Variants in PCBP3 observed in about 807,000 individuals in gnomAD.
PCBP3 encodes the protein poly(rC) binding protein 3.
PCBP3 carries 25 observed loss-of-function variants against 52.7 expected under a neutral mutation model. That is an observed-to-expected ratio of 0.47 (90% CI 0.35 to 0.66). PCBP3 has a LOEUF of 0.66. PCBP3 is among the 30% of genes least tolerant of loss of function. The pLI, the probability that PCBP3 is intolerant of heterozygous loss-of-function variation, is 0.01. For missense variants in PCBP3, 391 were observed against 490.3 expected, an observed-to-expected ratio of 0.80 and a Z score of 1.91; for synonymous variants, 162 against 183.0, an observed-to-expected ratio of 0.89 and a Z score of 0.93.
intron 2 of PCBP3, among the ~76,000 whole-genome samples, chr21:45,709,749 C>A (rs1195601421): frequency 3.9e-5 from 6 of 152,184 alleles, no homozygotes; most frequent in Non-Finnish European, 8.8e-5. Context: ...AAAGTCCATA[C>A]TTCAGATTTC....
chr21:45,656,143 GTA>G lies in PCBP3; in HGVS notation c.-279+12280_-279+12281del, dbSNP rs2080003577. Among the ~76,000 whole-genome samples, 1 of 152,134 alleles carries G rather than the reference GTA, an allele frequency of 6.6e-6. No homozygotes were observed. Among genetic ancestry groups the G allele is most frequent in the Non-Finnish European group, 1.5e-5 (1 of 68,020 alleles). Reference sequence around the variant, plus strand: ...TTTGACCCAGCAATCCCATTACTGGGTATATACCCAAAGGATTATAAATCATT... The same window carrying G: ...TTTGACCCAGCAATCCCATTACTGGGTATACCCAAAGGATTATAAATCATT... On this transcript the variant is annotated intron_variant, in intron 1 of 17. Coordinates refer to ENST00000681687, the MANE Select transcript of PCBP3 (RefSeq NM_001384156.1). This position sits in a 1 kb window ranked among gnomAD's most constrained non-coding sequence, Gnocchi z 4.3.
intron 4 of PCBP3, among the ~76,000 whole-genome samples, chr21:45,758,185 T>C (rs2088259240): frequency 6.6e-6 from 1 of 152,238 alleles, no homozygotes. Flanking sequence ...CCAGTCTATG[T>C]ATATTCTTAA....
At chr21:45,693,473 T>A (rs1603273653) in intron 2 of PCBP3, among the ~76,000 whole-genome samples, 1 of 151,826 alleles carries the variant, frequency 6.6e-6, no homozygotes. Flanking sequence ...CTTTTGGGGG[T>A]GATGGAAATG....
chr21:45,868,079 C>T (rs752656297), intron 5 of PCBP3, among the ~76,000 whole-genome samples: 30 of 152,276 alleles, frequency 2.0e-4, no homozygotes, highest in Non-Finnish European at 4.1e-4. Context: ...AGTGGCCATA[C>T]GGCAAGTGCC....
chr21:45,760,222 G>A (rs1423671720), intron 4 of PCBP3: 4 of 152,170 alleles, frequency 2.6e-5, no homozygotes, highest in Non-Finnish European at 4.4e-5. Context: ...CTGGAGTGCA[G>A]TGGCTACTCA....
chr21:45,761,498 C>T (rs1446425482), intron 4 of PCBP3: 1 of 152,246 alleles, frequency 6.6e-6, no homozygotes, highest in African/African-American at 2.4e-5. Context: ...ACTTGCCTCT[C>T]TTGCCTGGAC....
At chr21:45,841,737 A>G (rs1173599296) in intron 4 of PCBP3, among the ~76,000 whole-genome samples, 2 of 152,200 alleles carry the variant, frequency 1.3e-5, no homozygotes, top group African/African-American at 4.8e-5. Context: ...GACTATTAGG[A>G]GAAAGTTTTC....
intron 4 of PCBP3, among the ~76,000 whole-genome samples, chr21:45,798,978 G>A (rs546804938): frequency 1.0e-3 from 157 of 150,640 alleles, no homozygotes; most frequent in Non-Finnish European, 2.1e-3. Context: ...GAGTGAATGC[G>A]TACATGGATG....
intron 2 of PCBP3, among the ~76,000 whole-genome samples, chr21:45,702,388 A>G (rs1041964677): frequency 7.9e-5 from 12 of 152,226 alleles, no homozygotes; most frequent in Admixed American, 2.0e-4. Context: ...TAAGCTCATC[A>G]GAAACATCAG....
chr21:45,872,852 C>T (rs577826604), intron 5 of PCBP3: 7 of 152,272 alleles, frequency 4.6e-5, no homozygotes, highest in African/African-American at 1.4e-4. Flanking sequence ...TGTGATATAA[C>T]GATGCCCATC....
At chr21:45,919,227 T>G (rs1230766928) in intron 13 of PCBP3, 1 of 152,224 alleles carries the variant, frequency 6.6e-6, no homozygotes, top group African/African-American at 2.4e-5. Flanking sequence ...CTAAACCATT[T>G]TGAACGTTTG....
At position 45,905,920 on chromosome 21, in the gene PCBP3, C is replaced by T. The variant is rs545137488; in HGVS notation, c.340-3435C>T. Among the ~76,000 whole-genome samples, 231 of 152,298 alleles carry T rather than the reference C, an allele frequency of 1.5e-3. 1 individual carries two copies. Among genetic ancestry groups the T allele is most frequent in the African/African-American group, 5.4e-3 (223 of 41,562 alleles). ...TCAGTTGTGAAGTGGGATGTTAGGC[C>T]GGGATTCTCGACAGAGTCCACTAAG... On this transcript the variant is annotated intron_variant, in intron 9 of 17. Coordinates refer to ENST00000681687, the MANE Select transcript of PCBP3 (RefSeq NM_001384156.1).
chr21:45,909,186 C>T (rs1482973880), intron 9 of PCBP3, among the ~76,000 whole-genome samples, 169 bp from the exon 10 acceptor site: 3 of 152,068 alleles, frequency 2.0e-5, no homozygotes, highest in Non-Finnish European at 4.4e-5. Context: ...TCCATTTCAG[C>T]GACGTCTCCT....
intron 5 of PCBP3, chr21:45,873,292 A>G (rs2095111087): frequency 6.6e-6 from 1 of 152,210 alleles, no homozygotes; most frequent in Non-Finnish European, 1.5e-5. Context: ...TGAGCAACCC[A>G]GAAATATTCT....
chr21:45,910,367 T>C (rs1301237697), intron 10 of PCBP3, among the ~76,000 whole-genome samples: 5 of 151,664 alleles, frequency 3.3e-5, no homozygotes, highest in Non-Finnish European at 7.4e-5. Flanking sequence ...GGGTGCTGTA[T>C]CTACTCCCTG....
chr21:45,801,260 G>C (rs1039337360), intron 4 of PCBP3, among the ~76,000 whole-genome samples: 3 of 152,218 alleles, frequency 2.0e-5, no homozygotes, highest in Admixed American at 6.5e-5. Flanking sequence ...CTGGCTGCTA[G>C]CCTTGCCTTA....
rs768482931 is a variant in PCBP3 at position 45,735,028 on chromosome 21, G to C, written c.-199-364G>C. Among the ~76,000 whole-genome samples the C allele has an allele frequency of 2.6e-5, 4 of 152,154 alleles. No individual in the cohort carries two copies. The highest frequency in any genetic ancestry group is 4.4e-5 in the Non-Finnish European group (3 of 68,020). ...TGGGTGTTCTGGGCTGTCCCGTCCC[G>C]TATACTCTCCCTGTGTTCTTACCTT... On this transcript the variant is annotated intron_variant, in intron 2 of 17. Transcript: ENST00000681687. This position sits in a 1 kb window ranked among gnomAD's most constrained non-coding sequence, Gnocchi z 4.0.
intron 5 of PCBP3, chr21:45,893,768 AAC>A (rs1323841037): frequency 3.0e-6 from 3 of 985,444 alleles, no homozygotes; most frequent in South Asian, 4.7e-5. Context: ...CTGTTTCTGG[AAC>A]ACAGTGTGGG....
intron 1 of PCBP3, among the ~76,000 whole-genome samples, chr21:45,667,341 C>G (rs1432263543): frequency 6.6e-6 from 1 of 151,874 alleles, no homozygotes; most frequent in East Asian, 1.9e-4. Context: ...TCCCACAGGG[C>G]TCTGAGTTTC....
Sources: gnomAD v4.1 joint callset for allele counts (sites outside exome capture counted in the v4.1 genomes callset) on GRCh38, gnomAD v4.1.1 for gene constraint, Gnocchi (gnomAD v3.1) non-coding constraint, MANE v1.5 for transcripts, NCBI Gene and HGNC (gene_info 2026-07-23, HGNC 2026-07-21) for gene names.